Variants in CDK18 observed in about 807,000 individuals in gnomAD.
The protein encoded by CDK18 is cyclin dependent kinase 18.
In CDK18, 52 loss-of-function variants were observed where a neutral mutation model predicts 62.0. The ratio of observed to expected loss-of-function variants is 0.84; its 90% CI spans 0.67 to 1.06. The LOEUF (loss-of-function observed/expected upper bound fraction) is 1.06. Among genes scored for constraint, CDK18 ranks in the 50% least tolerant of loss-of-function variants. The probability of loss-of-function intolerance (pLI) is 0.00; values close to 1 mark genes in which losing one functional copy is unlikely to be tolerated. For synonymous variants in CDK18, 237 were observed against 247.0 expected (o/e 0.96, Z 0.38); for missense variants, 604 against 619.9 (o/e 0.97, Z 0.27).
At chr1:205,515,296 C>G (rs934540302) in intron 1 of CDK18, among the ~76,000 whole-genome samples, 1 of 151,406 alleles carries the variant, frequency 6.6e-6, no homozygotes, top group Non-Finnish European at 1.5e-5. Context: ...CCTGCCTCAG[C>G]CTCCCAAGTA....
intron 11 of CDK18, 88 bp downstream of exon 11, chr1:205,529,184 G>A (rs1668601076): frequency 7.3e-7 from 1 of 1,376,048 alleles, no homozygotes. Context: ...GGGAGGAGCG[G>A]CTCGGCCGCC....
intron 1 of CDK18, among the ~76,000 whole-genome samples, chr1:205,513,489 C>T (rs1328435919): frequency 6.6e-6 from 1 of 152,216 alleles, no homozygotes; most frequent in Non-Finnish European, 1.5e-5. Context: ...AAGGAAAATA[C>T]CAGAAGATGC....
chr1:205,510,326 C>G (rs1667508644), intron 1 of CDK18, among the ~76,000 whole-genome samples: 1 of 152,132 alleles, frequency 6.6e-6, no homozygotes, highest in Non-Finnish European at 1.5e-5. Context: ...CTGTCCTTCC[C>G]ACATCCTGGC....
At position 205,523,490 on chromosome 1, in the gene CDK18, G is replaced by T; in HGVS notation, c.138G>T (p.Gln46His). The stretch of plus-strand genomic sequence containing the variant: ...GACGCCTGTCCCTCTTAGACTTGCA[G>T]CTCGGTCCTCTTGGCAGAGACCCCC... ...QLHNRRNENL[Q>H]LGPLGRDPPQ... Residue 46 changes from glutamine to histidine, a missense_variant, in exon 3 of 16, where the codon CAG (glutamine) becomes CAT (histidine). Gln to His is a conservative substitution (Grantham distance 24). Transcript: ENST00000429964. 6.2e-7 allele frequency: 1 copy of T among 1,602,614 alleles called. No homozygotes were observed. Among genetic ancestry groups the T allele is most frequent in the Admixed American group, 1.7e-5 (1 of 58,716 alleles).
At chr1:205,520,498 G>A (rs1404777167) in intron 1 of CDK18, among the ~76,000 whole-genome samples, 2 of 152,030 alleles carry the variant, frequency 1.3e-5, no homozygotes, top group African/African-American at 2.4e-5. Flanking sequence ...TCAGGAGTTC[G>A]AGACCAGCCT....
intron 1 of CDK18, among the ~76,000 whole-genome samples, chr1:205,507,929 G>T (rs1667391297): frequency 2.0e-5 from 3 of 152,206 alleles, no homozygotes; most frequent in Admixed American, 1.3e-4. Context: ...GAGGGGCCAG[G>T]AATCTGTGCT....
In CDK18 at chr1:205,528,677, G is replaced by A; in HGVS notation, c.975-322G>A. Reference sequence around the variant, plus strand: ...TTCTCTTCCAGTGGGGCACACAGTGGAGAGAGTTTGAGACAACACTGCTGA... The same window carrying A: ...TTCTCTTCCAGTGGGGCACACAGTGAAGAGAGTTTGAGACAACACTGCTGA... On this transcript the variant is annotated intron_variant, in intron 10 of 15. Coordinates refer to ENST00000429964, the MANE Select transcript of CDK18 (RefSeq NM_212502.3). This position sits in a 1 kb window ranked among gnomAD's most constrained non-coding sequence, Gnocchi z 4.2. 3.0e-6 allele frequency: 1 copy of A among 335,368 alleles called. No individual in the cohort carries two copies. The highest frequency in any genetic ancestry group is 5.4e-6 in the Non-Finnish European group (1 of 184,578). The allele number at this position is 335,368 out of a possible 1,614,324, so 20.8% of individuals were successfully genotyped here.
rs1251377403 is a variant in CDK18, at chr1:205,516,232, G to A, written c.-21-6915G>A. 6.6e-6 allele frequency among the ~76,000 whole-genome samples: 1 copy of A among 152,180 alleles called. No individual in the cohort carries two copies. ...CCCTGGGAGGAGGGAGTGTCTCTGA[G>A]GTCCTAGCTCATGACGTCTGCAAAC... On this transcript the variant is annotated intron_variant, in intron 1 of 15. Coordinates refer to ENST00000429964, the MANE Select transcript of CDK18 (RefSeq NM_212502.3). This position sits in a 1 kb window ranked among gnomAD's most constrained non-coding sequence, Gnocchi z 4.8.
At position 205,527,829 on chromosome 1, in the gene CDK18, C is replaced by G; in HGVS notation, c.765C>G (p.Tyr255Ter). Residue 255 changes from tyrosine (Y) to a stop codon, truncating the protein, a stop_gained, in exon 9 of 16, where the codon TAC becomes TAG. Coordinates refer to ENST00000429964, the MANE Select transcript of CDK18 (RefSeq NM_212502.3). LOFTEE classifies it high-confidence loss of function. This position sits in a 1 kb window ranked among gnomAD's most constrained non-coding sequence, Gnocchi z 4.1. ...FMFQLLRGLA[Y>*]CHHRKILHRD... ...TCCAGCTGCTCCGGGGCCTCGCCTA[C>G]TGTCACCACCGCAAGATCCTGCACC... is the stretch of plus-strand genomic sequence containing the variant. 1 of 1,614,070 alleles carries G rather than the reference C, an allele frequency of 6.2e-7. No individual in the cohort carries two copies. Among genetic ancestry groups the G allele is most frequent in the South Asian group, 1.1e-5 (1 of 91,074 alleles).
chr1:205,530,312 C>A lies in CDK18; in HGVS notation c.1275C>A (p.Phe425Leu), dbSNP rs748282748. The change falls in exon 14 of 16, where the codon TTC becomes TTA. Residue 425 changes from phenylalanine (F) to leucine (L), a missense_variant. Coordinates refer to ENST00000429964, the MANE Select transcript of CDK18 (RefSeq NM_212502.3). Reference sequence around the variant, plus strand: ...AGGCTGCCCTGAGTCACTCCTACTTCCGGTCTCTGGGAGAGCGTGTGCACC... The same window carrying A: ...AGGCTGCCCTGAGTCACTCCTACTTACGGTCTCTGGGAGAGCGTGTGCACC... ...SAEAALSHSY[F>L]RSLGERVHQL... 6 of 1,613,216 alleles carry A rather than the reference C, an allele frequency of 3.7e-6. No individual in the cohort carries two copies. The highest frequency in any genetic ancestry group is 4.5e-5 in the East Asian group (2 of 44,902).
intron 1 of CDK18, among the ~76,000 whole-genome samples, chr1:205,506,849 G>A (rs1014570834): frequency 2.0e-5 from 3 of 152,232 alleles, no homozygotes; most frequent in African/African-American, 4.8e-5. Context: ...GGGCACAGGA[G>A]AGAGGGCACC....
chr1:205,514,047 A>G (rs1255987260), intron 1 of CDK18, among the ~76,000 whole-genome samples: 1 of 152,254 alleles, frequency 6.6e-6, no homozygotes, highest in African/African-American at 2.4e-5. Context: ...GCTTTGGGTC[A>G]GGCTCTGGGG....
chr1:205,514,123 C>G (rs1003739452), intron 1 of CDK18, among the ~76,000 whole-genome samples: 1 of 152,230 alleles, frequency 6.6e-6, no homozygotes, highest in Non-Finnish European at 1.5e-5. Context: ...AGGGAAATGA[C>G]AAGTAAACAG....
At chr1:205,524,510 G>C (rs1437539662) in intron 4 of CDK18, among the ~76,000 whole-genome samples, 153 bp downstream of exon 4, 1 of 152,194 alleles carries the variant, frequency 6.6e-6, no homozygotes, top group African/African-American at 2.4e-5. Flanking sequence ...CAACTAGCTC[G>C]TCCTCCTACA....
chr1:205,524,123 A>G (rs1449673113), intron 3 of CDK18, 109 bp from the exon 4 acceptor site: 3 of 1,319,316 alleles, frequency 2.3e-6, no homozygotes, highest in Non-Finnish European at 3.2e-6. Flanking sequence ...TGGGCTCTGA[A>G]TGGTTGTTCT....
rs770249338 is a variant in CDK18, at chr1:205,529,435, C to G, written c.1178+6C>G. 86 of 1,612,828 alleles carry G rather than the reference C, an allele frequency of 5.3e-5. No individual in the cohort carries two copies. The African/African-American group carries it at 9.6e-4, about 18-fold the overall frequency. The stretch of plus-strand genomic sequence containing the variant: ...CTCATCAACCACGCGCCCAGGTAGC[C>G]CCTGCGCCCGCCGCCCCTCCTGCTG... On this transcript the variant is annotated splice_donor_region_variant and intron_variant, in intron 12 of 15. Transcript: ENST00000429964.
chr1:205,516,748 G>T lies in CDK18; in HGVS notation c.-21-6399G>T, dbSNP rs1192265981. 2 of 152,258 alleles carry T rather than the reference G, an allele frequency of 1.3e-5. No individual in the cohort carries two copies. Among genetic ancestry groups the T allele is most frequent in the African/African-American group, 4.8e-5 (2 of 41,432 alleles). 9.4% of individuals were successfully genotyped at this position (152,258 alleles called of 1,614,324 possible). ...CCCAGAGACTTGTACAGCATGCAGG[G>T]GCAATGAAGAGGGGCAAAGCCAGAG... On this transcript the variant is annotated intron_variant, in intron 1 of 15. Transcript: ENST00000429964. This position sits in a 1 kb window ranked among gnomAD's most constrained non-coding sequence, Gnocchi z 4.8.
intron 1 of CDK18, among the ~76,000 whole-genome samples, chr1:205,506,664 G>C (rs895274965): frequency 3.6e-4 from 55 of 152,308 alleles, no homozygotes; most frequent in Admixed American, 3.0e-3. Context: ...GCCCACTTCC[G>C]TCTGACCCCA....
In CDK18 at chr1:205,517,334, G is replaced by A. The variant is rs1189334944; in HGVS notation, c.-21-5813G>A. ...GTCTCCTGGCCCTCTTCCATCCTGGGATCCAAAAGCACCTTGCAATAAGGA... is the reference window on the plus strand; with the variant it reads ...GTCTCCTGGCCCTCTTCCATCCTGGAATCCAAAAGCACCTTGCAATAAGGA... On this transcript the variant is annotated intron_variant, in intron 1 of 15. Coordinates refer to ENST00000429964, the MANE Select transcript of CDK18 (RefSeq NM_212502.3). The surrounding 1 kb of genome is among the most constrained non-coding windows in gnomAD (Gnocchi z 4.1). 6.6e-6 allele frequency among the ~76,000 whole-genome samples: 1 copy of A among 152,170 alleles called. No individual in the cohort carries two copies. Among genetic ancestry groups the A allele is most frequent in the Admixed American group, 6.5e-5 (1 of 15,282 alleles).
Sources: gnomAD v4.1 joint callset for allele counts (sites outside exome capture counted in the v4.1 genomes callset) on GRCh38, gnomAD v4.1.1 for gene constraint, Gnocchi (gnomAD v3.1) non-coding constraint, MANE v1.5 for transcripts, NCBI Gene and HGNC (gene_info 2026-07-23, HGNC 2026-07-21) for gene names.